The following ME3 variants were observed in gnomAD, a reference collection of about 807,000 sequenced individuals.
The protein encoded by ME3 is NADP-dependent malic enzyme, mitochondrial.
Under a neutral mutation model 68.9 loss-of-function variants are expected in ME3, and 48 were observed. The ratio of observed to expected loss-of-function variants is 0.70; its 90% confidence interval spans 0.55 to 0.89. The LOEUF is 0.89. Among genes scored for constraint, ME3 ranks in the 40% least tolerant of loss-of-function variants. The probability of loss-of-function intolerance (pLI) is 0.00; values close to 1 mark genes in which losing one functional copy is unlikely to be tolerated. For synonymous variants in ME3, 320 were observed against 318.8 expected, an observed-to-expected ratio of 1.00 and a Z score of -0.04; for missense variants, 675 against 797.4, an observed-to-expected ratio of 0.85 and a Z score of 1.85.
intron 7 of ME3, among the ~76,000 whole-genome samples, chr11:86,469,072 A>T (rs1365090816): frequency 1.3e-5 from 2 of 151,922 alleles, no homozygotes; most frequent in Non-Finnish European, 2.9e-5. Flanking sequence ...TAAAAAAAAA[A>T]GCTAAATAGG....
At chr11:86,664,647 A>T (rs1251962860) in intron 2 of ME3, among the ~76,000 whole-genome samples, 2 of 152,144 alleles carry the variant, frequency 1.3e-5, no homozygotes, top group African/African-American at 4.8e-5. Context: ...GAAATACAGA[A>T]ATTCCGAGCA....
intron 7 of ME3, among the ~76,000 whole-genome samples, chr11:86,479,825 T>TCTTTC (rs200237870): frequency 7.0e-6 from 1 of 143,402 alleles, no homozygotes; most frequent in African/African-American, 2.6e-5. Context: ...TTTCTTTCTT[T>TCTTTC]TTTTTTTGAG....
intron 2 of ME3, among the ~76,000 whole-genome samples, chr11:86,655,627 C>A (rs914049665): frequency 6.6e-5 from 10 of 151,848 alleles, no homozygotes; most frequent in African/African-American, 1.9e-4. Flanking sequence ...AAACGTTAGA[C>A]CTAAAACCAT....
intron 4 of ME3, among the ~76,000 whole-genome samples, chr11:86,520,299 C>T (rs1954178512): frequency 6.6e-6 from 1 of 152,200 alleles, no homozygotes; most frequent in Non-Finnish European, 1.5e-5. Flanking sequence ...CAATTTCCCA[C>T]ACTTGAGATT....
chr11:86,556,653 G>T (rs766518374), exon 4 of ME3: 1 of 1,613,980 alleles, frequency 6.2e-7, no homozygotes, highest in Admixed American at 1.7e-5. Context: ...GTCAGCACTC[G>T]GTAGAAGAGC....
At chr11:86,610,321 A>C (rs1034118702) in intron 2 of ME3, among the ~76,000 whole-genome samples, 6 of 152,242 alleles carry the variant, frequency 3.9e-5, no homozygotes, top group African/African-American at 1.4e-4. Flanking sequence ...CCTGTGTCTG[A>C]AATACTTTAT....
downstream of ME3, among the ~76,000 whole-genome samples, chr11:86,438,302 TA>T (rs1190763332): frequency 2.0e-5 from 3 of 152,212 alleles, no homozygotes; most frequent in Non-Finnish European, 4.4e-5. Flanking sequence ...TTTTGAATGT[TA>T]AAAAACTACG....
At chr11:86,504,054 G>C (rs1484813292) in intron 5 of ME3, among the ~76,000 whole-genome samples, 1 of 152,188 alleles carries the variant, frequency 6.6e-6, no homozygotes, top group Non-Finnish European at 1.5e-5. Flanking sequence ...CCAGCCCTGG[G>C]CTTTGGCTCC....
intron 2 of ME3, among the ~76,000 whole-genome samples, chr11:86,645,937 C>T (rs1441092558): frequency 6.6e-6 from 1 of 152,144 alleles, no homozygotes; most frequent in Admixed American, 6.5e-5. Flanking sequence ...CCAGCAAACT[C>T]CAGCAGACCT....
intron 2 of ME3, among the ~76,000 whole-genome samples, chr11:86,654,578 G>A (rs1282979499): frequency 6.6e-6 from 1 of 152,172 alleles, no homozygotes; most frequent in African/African-American, 2.4e-5. Context: ...AATGAATTAG[G>A]TATTGATGGG....
At chr11:86,626,640 G>T (rs1019361166) in intron 2 of ME3, among the ~76,000 whole-genome samples, 1 of 152,156 alleles carries the variant, frequency 6.6e-6, no homozygotes, top group Non-Finnish European at 1.5e-5. Flanking sequence ...AACATTTTCT[G>T]TAAAGGGCCA....
At chr11:86,446,277 C>G in intron 13 of ME3, 37 bp downstream of exon 13, 1 of 1,610,028 alleles carries the variant, frequency 6.2e-7, no homozygotes, top group Non-Finnish European at 8.5e-7. Flanking sequence ...CCCACAGACC[C>G]TACTGCAAGC....
At chr11:86,667,521 A>G (rs533265575) in intron 2 of ME3, among the ~76,000 whole-genome samples, 1 of 152,236 alleles carries the variant, frequency 6.6e-6, no homozygotes, top group African/African-American at 2.4e-5. Flanking sequence ...GGGCCATGAC[A>G]TGATTGAAAT....
chr11:86,637,166 C>T (rs991388604), intron 2 of ME3, among the ~76,000 whole-genome samples: 7 of 152,126 alleles, frequency 4.6e-5, no homozygotes, highest in Non-Finnish European at 8.8e-5. Flanking sequence ...TATCTATACA[C>T]GTACATTCAG....
chr11:86,517,084 T>A (rs1012066983), intron 4 of ME3, among the ~76,000 whole-genome samples: 1 of 149,504 alleles, frequency 6.7e-6, no homozygotes, highest in Non-Finnish European at 1.5e-5. Flanking sequence ...AAAACTTCTT[T>A]CTGTCCTTCG....
chr11:86,599,112 A>T (rs1376358958), intron 2 of ME3, among the ~76,000 whole-genome samples: 2 of 152,258 alleles, frequency 1.3e-5, no homozygotes, highest in African/African-American at 4.8e-5. Context: ...AATGACTTTG[A>T]CGAGTTGAGA....
At chr11:86,556,798 C>T (rs1017989852) in intron 3 of ME3, 96 bp from the exon 4 acceptor site, 24 of 1,373,998 alleles carry the variant, frequency 1.7e-5, no homozygotes, top group Non-Finnish European at 2.1e-5. Context: ...CCTGTTCCTG[C>T]TCAGCCCGGA....
At chr11:86,565,618 C>A (rs1231177214) in intron 2 of ME3, among the ~76,000 whole-genome samples, 1 of 152,110 alleles carries the variant, frequency 6.6e-6, no homozygotes. Flanking sequence ...GTAAAATAAG[C>A]CAGACACAAA....
intron 2 of ME3, among the ~76,000 whole-genome samples, chr11:86,643,802 G>A (rs956970168): frequency 1.3e-5 from 2 of 152,128 alleles, no homozygotes; most frequent in Non-Finnish European, 2.9e-5. Context: ...TTCTCAATAA[G>A]TTTATTGAAT....
Sources: allele counts gnomAD v4.1 joint callset (sites outside exome capture counted in the v4.1 genomes callset), GRCh38; gene constraint gnomAD v4.1.1; transcripts MANE v1.5; gene names NCBI Gene and HGNC (gene_info 2026-07-23, HGNC 2026-07-21).